Variants in DGKB observed in about 807,000 individuals in gnomAD.
DGKB encodes 90 kDa diacylglycerol kinase.
Under a neutral mutation model 114.3 loss-of-function variants are expected in DGKB, and 67 were observed. That is an observed-to-expected ratio of 0.59 (90% confidence interval 0.48 to 0.72). DGKB has a LOEUF of 0.72. Ranked by LOEUF, DGKB falls within the 30% of genes least tolerant of loss-of-function variation. The probability of loss-of-function intolerance (pLI) is 0.00; values close to 1 mark genes in which losing one functional copy is unlikely to be tolerated. For missense variants in DGKB, 907 were observed against 975.2 expected, an observed-to-expected ratio of 0.93 and a Z score of 0.93; for synonymous variants, 398 against 323.1, an observed-to-expected ratio of 1.23 and a Z score of -2.49.
chr7:14,708,155 G>A (rs1238018638), intron 6 of DGKB, among the ~76,000 whole-genome samples: 1 of 66,316 alleles, frequency 1.5e-5, no homozygotes, highest in South Asian at 7.5e-4. Context: ...AAAATCACAA[G>A]CATTCTTATA....
intron 20 of DGKB, among the ~76,000 whole-genome samples, chr7:14,558,543 T>TA (rs201583744): frequency 1.1e-4 from 17 of 152,058 alleles, no homozygotes; most frequent in Non-Finnish European, 1.5e-4. Flanking sequence ...TCTGCTTTTT[T>TA]AAAAAAAACT....
At chr7:14,660,306 T>G (rs557118075) in intron 13 of DGKB, among the ~76,000 whole-genome samples, 4 of 151,778 alleles carry the variant, frequency 2.6e-5, no homozygotes, top group Non-Finnish European at 5.9e-5. Context: ...TCAGAAGGAA[T>G]GGTACCAGTT....
At chr7:14,593,773 T>G (rs1303337539) in intron 17 of DGKB, among the ~76,000 whole-genome samples, 1 of 151,702 alleles carries the variant, frequency 6.6e-6, no homozygotes, top group African/African-American at 2.4e-5. Context: ...ATGGAGTCAC[T>G]TGTGCTAAGT....
chr7:14,945,915 T>C (rs1038313421), intron 1 of DGKB, among the ~76,000 whole-genome samples: 18 of 151,662 alleles, frequency 1.2e-4, no homozygotes, highest in African/African-American at 4.1e-4. Context: ...TGAAGTTTTC[T>C]ACATCTATAA....
chr7:14,940,391 T>C (rs1785507873), intron 1 of DGKB, among the ~76,000 whole-genome samples: 1 of 152,076 alleles, frequency 6.6e-6, no homozygotes, highest in Non-Finnish European at 1.5e-5. Context: ...AAATTCAAAA[T>C]GTAATAATTG....
chr7:14,520,729 T>C (rs1352701131), intron 20 of DGKB, among the ~76,000 whole-genome samples: 1 of 152,116 alleles, frequency 6.6e-6, no homozygotes, highest in Non-Finnish European at 1.5e-5. Context: ...AGACTTGTTT[T>C]GTGAAACAGT....
At chr7:14,729,148 A>C (rs543075401) in intron 5 of DGKB, among the ~76,000 whole-genome samples, 151 of 93,106 alleles carry the variant, frequency 1.6e-3, no homozygotes, top group Middle Eastern at 8.8e-3. Flanking sequence ...TTTTTGATGG[A>C]GTCTCACTCT....
chr7:14,764,654 GCAT>G (rs1232705354), intron 2 of DGKB, among the ~76,000 whole-genome samples: 6 of 151,882 alleles, frequency 4.0e-5, no homozygotes, highest in East Asian at 3.9e-4. Flanking sequence ...TTAAATACAT[GCAT>G]AAAGAAAGTG....
intron 23 of DGKB, among the ~76,000 whole-genome samples, chr7:14,273,260 T>G (rs946967469): frequency 6.6e-6 from 1 of 152,060 alleles, no homozygotes; most frequent in Admixed American, 6.6e-5. Flanking sequence ...GTGGGAGGAT[T>G]GCTTAAGCCC....
chr7:14,276,924 T>A (rs970716603), intron 23 of DGKB, among the ~76,000 whole-genome samples: 1 of 152,182 alleles, frequency 6.6e-6, no homozygotes, highest in African/African-American at 2.4e-5. Flanking sequence ...ATGTGATGAT[T>A]TGACATATGT....
At chr7:14,415,427 C>A (rs1352601976) in intron 21 of DGKB, among the ~76,000 whole-genome samples, 3 of 151,668 alleles carry the variant, frequency 2.0e-5, no homozygotes, top group Non-Finnish European at 4.4e-5. Flanking sequence ...CCACTCCCCC[C>A]ACCCCACAAC....
At chr7:14,262,819 G>C (rs912209662) in intron 23 of DGKB, among the ~76,000 whole-genome samples, 1 of 152,108 alleles carries the variant, frequency 6.6e-6, no homozygotes, top group Non-Finnish European at 1.5e-5. Flanking sequence ...CTGCAGCTTA[G>C]AACACTAACT....
At chr7:14,825,992 C>T (rs764778325) in intron 2 of DGKB, among the ~76,000 whole-genome samples, 2 of 152,134 alleles carry the variant, frequency 1.3e-5, no homozygotes, top group Admixed American at 6.5e-5. Context: ...TCCCTTTGAC[C>T]ACTTATGGGA....
At chr7:14,470,811 T>C (rs1023365517) in intron 21 of DGKB, among the ~76,000 whole-genome samples, 12 of 151,656 alleles carry the variant, frequency 7.9e-5, no homozygotes, top group African/African-American at 2.7e-4. Context: ...TCAAGAAAAT[T>C]ATAAATATGA....
intron 16 of DGKB, among the ~76,000 whole-genome samples, chr7:14,610,349 G>A (rs550081282): frequency 6.6e-6 from 1 of 152,014 alleles, no homozygotes; most frequent in African/African-American, 2.4e-5. Context: ...ACTTAAACAT[G>A]GGAACAGTAG....
At chr7:14,764,252 A>G (rs1836130125) in intron 2 of DGKB, among the ~76,000 whole-genome samples, 1 of 151,900 alleles carries the variant, frequency 6.6e-6, no homozygotes, top group African/African-American at 2.4e-5. Context: ...AAATTAGAAA[A>G]ATCTTTATCA....
At chr7:14,822,936 T>C (rs1198449554) in intron 2 of DGKB, among the ~76,000 whole-genome samples, 1 of 152,088 alleles carries the variant, frequency 6.6e-6, no homozygotes, top group Non-Finnish European at 1.5e-5. Context: ...TTTTTCTACA[T>C]AATATCTTAA....
At chr7:14,759,490 T>C (rs754613819) in intron 2 of DGKB, among the ~76,000 whole-genome samples, 6 of 152,202 alleles carry the variant, frequency 3.9e-5, no homozygotes, top group Non-Finnish European at 8.8e-5. Flanking sequence ...GGATATTTCA[T>C]GTAAATTGAA....
At chr7:14,325,200 G>A (rs1482372243) in intron 23 of DGKB, among the ~76,000 whole-genome samples, 1 of 152,098 alleles carries the variant, frequency 6.6e-6, no homozygotes, top group African/African-American at 2.4e-5. Context: ...TGCACCTCTA[G>A]AAGGAAATCA....
Sources: gnomAD v4.1 joint callset for allele counts (sites outside exome capture counted in the v4.1 genomes callset) on GRCh38, gnomAD v4.1.1 for gene constraint, MANE v1.5 for transcripts, NCBI Gene and HGNC (gene_info 2026-07-23, HGNC 2026-07-21) for gene names.